CYP46A1: variants seen among roughly 807,000 people sequenced by gnomAD.
CYP46A1 encodes cytochrome P450 family 46 subfamily A member 1, also known as cholesterol 24-hydroxylase.
A neutral mutation model predicts 63.3 loss-of-function variants in CYP46A1; 20 were observed. The observed-to-expected ratio is 0.32, with a 90% CI of 0.22 to 0.46. CYP46A1 has a LOEUF of 0.46. Ranked by LOEUF, CYP46A1 falls within the 20% of genes least tolerant of loss-of-function variation. The probability of loss-of-function intolerance (pLI) is 1.00; values close to 1 mark genes in which losing one functional copy is unlikely to be tolerated. For missense variants in CYP46A1, 445 were observed against 670.8 expected, an observed-to-expected ratio of 0.66 and a Z score of 3.72; for synonymous variants, 268 against 273.6, an observed-to-expected ratio of 0.98 and a Z score of 0.20.
At chr14:99,691,575 G>A (rs2056543505) in intron 2 of CYP46A1, 1 of 596,688 alleles carries the variant, frequency 1.7e-6, no homozygotes. Flanking sequence ...TGGAAACTGA[G>A]GCCTGCTGGG....
At position 99,718,138 on chromosome 14, in the gene CYP46A1, G is replaced by A. The variant is rs1595203789; in HGVS notation, c.980+12G>A. On this transcript the variant is annotated intron_variant, in intron 10 of 14. Transcript: ENST00000261835. ...GAGATCGTGGCAAGGTATGGGGGCT[G>A]CTCTTGGGGCTGGCAAAGAGGTCTG... 1 of 1,612,412 alleles carries A rather than the reference G, an allele frequency of 6.2e-7. No homozygotes were observed. Among genetic ancestry groups the A allele is most frequent in the Non-Finnish European group, 8.5e-7 (1 of 1,178,728 alleles).
intron 1 of CYP46A1, among the ~76,000 whole-genome samples, chr14:99,687,600 G>C (rs886952978): frequency 2.0e-5 from 3 of 152,224 alleles, no homozygotes; most frequent in Non-Finnish European, 2.9e-5. Flanking sequence ...TCCACTACTG[G>C]AGCATTCCCT....
At chr14:99,718,010 C>T (rs1203333086) in intron 9 of CYP46A1, 44 bp from the exon 10 acceptor site, 2 of 1,499,316 alleles carry the variant, frequency 1.3e-6, no homozygotes, top group Admixed American at 1.7e-5. Context: ...TCTCCTTCAT[C>T]CTGTGGCCCC....
chr14:99,715,823 A>G lies in CYP46A1; in HGVS notation c.707A>G (p.Lys236Arg). 6.2e-7 allele frequency: 1 copy of G among 1,614,182 alleles called. No homozygotes were observed. The highest frequency in any genetic ancestry group is 8.5e-7 in the Non-Finnish European group (1 of 1,180,036). Residue 236 changes from lysine (K) to arginine (R), a missense_variant, in exon 8 of 15, where the codon AAG becomes AGG. Lys to Arg is a conservative substitution (Grantham distance 26). Around this residue, in one of 4 missense-constraint regions of CYP46A1, gnomAD observed 252 missense variants for 383.3 expected, o/e 0.66. Transcript: ENST00000261835. ...RNTLAKFLPG[K>R]RKQLREVRES... Reference sequence around the variant, plus strand: ...ACTCTTGTTTAGTTCCTGCCAGGGAAGAGGAAGCAGCTCCGGGAGGTCCGG... The same window carrying G: ...ACTCTTGTTTAGTTCCTGCCAGGGAGGAGGAAGCAGCTCCGGGAGGTCCGG...
intron 3 of CYP46A1, among the ~76,000 whole-genome samples, chr14:99,696,137 G>A (rs78797846): frequency 0.011 from 1,722 of 152,280 alleles, 32 homozygotes; most frequent in African/African-American, 0.039. Context: ...TGATATGGCT[G>A]TGTTTAAATC....
intron 5 of CYP46A1, among the ~76,000 whole-genome samples, chr14:99,702,568 T>C (rs1167098780): frequency 6.6e-6 from 1 of 152,188 alleles, no homozygotes; most frequent in Admixed American, 6.5e-5. Context: ...GCCAGAATAG[T>C]GTAAGGGACT....
intron 5 of CYP46A1, among the ~76,000 whole-genome samples, chr14:99,701,052 G>A (rs892882745): frequency 1.4e-4 from 21 of 152,094 alleles, no homozygotes; most frequent in Non-Finnish European, 2.8e-4. Context: ...TATAGAATAA[G>A]GATACAAATA....
intron 3 of CYP46A1, among the ~76,000 whole-genome samples, chr14:99,698,007 A>G (rs1198741312): frequency 6.6e-6 from 1 of 152,170 alleles, no homozygotes; most frequent in Non-Finnish European, 1.5e-5. Flanking sequence ...AACTTGGGTT[A>G]CAAATGACAG....
intron 5 of CYP46A1, among the ~76,000 whole-genome samples, chr14:99,702,409 T>C (rs2056639552): frequency 6.6e-6 from 1 of 152,224 alleles, no homozygotes; most frequent in Admixed American, 6.5e-5. Context: ...AATGCTGCTA[T>C]GAGCATTTTT....
chr14:99,699,496 G>A lies in CYP46A1; in HGVS notation c.313G>A (p.Asp105Asn), dbSNP rs1298300258. 6.2e-7 allele frequency: 1 copy of A among 1,614,132 alleles called. No homozygotes were observed. The highest frequency in any genetic ancestry group is 8.5e-7 in the Non-Finnish European group (1 of 1,180,028). Residue 105 changes from aspartate (D) to asparagine (N), a missense_variant, in exon 4 of 15, where the codon GAC becomes AAC. Asp to Asn is a conservative substitution (Grantham distance 23). Around this residue, in one of 4 missense-constraint regions of CYP46A1, gnomAD observed 252 missense variants for 383.3 expected, o/e 0.66. Transcript: ENST00000261835. Reference sequence around the variant, plus strand: ...CCTGATGTCAACCAAGTACAACAAGGACTCCAAGATGTACCGTGCGCTCCA... The same window carrying A: ...CCTGATGTCAACCAAGTACAACAAGAACTCCAAGATGTACCGTGCGCTCCA... Reference protein sequence around the residue: ...KFLMSTKYNKDSKMYRALQTV... With the variant: ...KFLMSTKYNKNSKMYRALQTV...
At chr14:99,726,395 G>A (rs984851693) in intron 14 of CYP46A1, 139 bp downstream of exon 14, 8 of 1,180,164 alleles carry the variant, frequency 6.8e-6, no homozygotes, top group Admixed American at 5.7e-5. Context: ...CAGACCCAGA[G>A]GACTGGCTGT....
chr14:99,686,434 C>A (rs111478910), intron 1 of CYP46A1, among the ~76,000 whole-genome samples: 1 of 152,158 alleles, frequency 6.6e-6, no homozygotes, highest in African/African-American at 2.4e-5. Flanking sequence ...GTGCAGCCAT[C>A]GCCACCGATT....
chr14:99,688,860 A>T (rs1422083224), intron 1 of CYP46A1, among the ~76,000 whole-genome samples: 4 of 151,414 alleles, frequency 2.6e-5, no homozygotes, highest in African/African-American at 9.7e-5. Context: ...TCCTCGTCTG[A>T]CCTGGCCCCC....
chr14:99,691,340 C>G, intron 2 of CYP46A1, 179 bp downstream of exon 2: 1 of 639,976 alleles, frequency 1.6e-6, no homozygotes, highest in East Asian at 2.7e-5. Context: ...CATGCTCTGC[C>G]ATTCATCCAC....
chr14:99,713,603 G>T (rs967827443), intron 7 of CYP46A1, among the ~76,000 whole-genome samples: 1 of 151,986 alleles, frequency 6.6e-6, no homozygotes, highest in African/African-American at 2.4e-5. Flanking sequence ...ACGTGGCCAG[G>T]CATGGTGGCT....
chr14:99,715,860 C>T lies in CYP46A1; in HGVS notation c.744C>T (p.Arg248=), dbSNP rs767470135. ...TCCGGGAGGTCCGGGAGAGCATTCG[C>T]TTCCTGCGCCAGGTGGGCAGGGACT... ...KQLREVRESI[R]FLRQVGRDWV... Residue 248 remains arginine, a synonymous_variant, in exon 8 of 15, where the codon CGC becomes CGT. Coordinates refer to ENST00000261835, the MANE Select transcript of CYP46A1 (RefSeq NM_006668.2). 6.2e-7 allele frequency: 1 copy of T among 1,614,146 alleles called. No homozygotes were observed. Among genetic ancestry groups the T allele is most frequent in the Admixed American group, 1.7e-5 (1 of 60,026 alleles).
intron 6 of CYP46A1, among the ~76,000 whole-genome samples, chr14:99,707,033 A>G (rs1317324319): frequency 2.0e-5 from 3 of 152,200 alleles, no homozygotes; most frequent in Non-Finnish European, 2.9e-5. Flanking sequence ...TAGCTGGTCA[A>G]TGGCAGAAGC....
rs771745404 is a variant in CYP46A1, at chr14:99,725,792, T to C, written c.1265+313T>C. 1.3e-5 allele frequency among the ~76,000 whole-genome samples: 2 copies of C among 152,206 alleles called. No individual in the cohort carries two copies. Among genetic ancestry groups the C allele is most frequent in the Non-Finnish European group, 2.9e-5 (2 of 68,032 alleles). ...AGAAATGGGACCATCCGTGGCTGCA[T>C]CTGCAAGTTGCTGTGGGGGTCAACG... On this transcript the variant is annotated intron_variant, in intron 13 of 14. Transcript: ENST00000261835. This position sits in a 1 kb window ranked among gnomAD's most constrained non-coding sequence, Gnocchi z 4.2.
Position 99,722,086 on chromosome 14 carries a change from G to C in CYP46A1, c.1176+20G>C, listed in dbSNP as rs1379523207. 6.3e-7 allele frequency: 1 copy of C among 1,588,082 alleles called. No individual in the cohort carries two copies. The highest frequency in any genetic ancestry group is 8.6e-7 in the Non-Finnish European group (1 of 1,160,594). ...CTCTTGGTGGGTGGAGGCCCTGGGG[G>C]TCCTGGGGTGGGCTGGGCTGCTTGC... is the stretch of plus-strand genomic sequence containing the variant. On this transcript the variant is annotated intron_variant, in intron 12 of 14. Transcript: ENST00000261835. The surrounding 1 kb of genome is among the most constrained non-coding windows in gnomAD (Gnocchi z 4.6).
Sources: gnomAD v4.1 joint callset for allele counts (sites outside exome capture counted in the v4.1 genomes callset) on GRCh38, gnomAD v4.1.1 for gene constraint, gnomAD v4.1.1 regional missense constraint, Gnocchi (gnomAD v3.1) non-coding constraint, MANE v1.5 for transcripts, NCBI Gene and HGNC (gene_info 2026-07-23, HGNC 2026-07-21) for gene names.